The following HPSE2 variants were observed in gnomAD, a reference collection of about 807,000 sequenced individuals.
The protein encoded by HPSE2 is heparanase 2 (inactive).
A neutral mutation model predicts 60.5 loss-of-function variants in HPSE2; 38 were observed. The observed-to-expected ratio is 0.63, with a 90% CI of 0.48 to 0.82. HPSE2 has a LOEUF of 0.82. Ranked by LOEUF, HPSE2 falls within the 40% of genes least tolerant of loss-of-function variation. The pLI is 0.00. For missense variants in HPSE2, 713 were observed against 740.4 expected, an observed-to-expected ratio of 0.96 and a Z score of 0.43; for synonymous variants, 295 against 293.2, an observed-to-expected ratio of 1.01 and a Z score of -0.06.
the HPSE2 span, among the ~76,000 whole-genome samples, chr10:99,283,617 A>T: frequency 6.6e-6 from 1 of 152,160 alleles, no homozygotes. Context: ...AAATTAACTA[A>T]GATAAAAAAA....
At chr10:98,798,298 C>A (rs1097707) in intron 3 of HPSE2, among the ~76,000 whole-genome samples, 17,575 of 152,050 alleles carry the variant, frequency 0.12, 2,564 homozygotes, top group African/African-American at 0.34. Context: ...AATTTCATCA[C>A]CACCACACCT....
At chr10:99,202,989 C>T (rs140590101) in intron 2 of HPSE2, among the ~76,000 whole-genome samples, 51 of 152,250 alleles carry the variant, frequency 3.3e-4, no homozygotes, top group African/African-American at 1.2e-3. Flanking sequence ...CTGGGCCCTC[C>T]TCAGTAAAGT....
At chr10:99,098,199 T>C (rs1004294946) in intron 3 of HPSE2, among the ~76,000 whole-genome samples, 3 of 152,054 alleles carry the variant, frequency 2.0e-5, no homozygotes, top group African/African-American at 4.8e-5. Flanking sequence ...AAAGTAACAA[T>C]ACAACAATAA....
At chr10:98,580,725 T>C (rs926447230) in intron 9 of HPSE2, among the ~76,000 whole-genome samples, 1 of 151,662 alleles carries the variant, frequency 6.6e-6, no homozygotes, top group African/African-American at 2.4e-5. Context: ...GGCTATTCAC[T>C]GGTTTGCCCA....
At chr10:98,611,497 G>A (rs2133968208) in intron 9 of HPSE2, among the ~76,000 whole-genome samples, 1 of 152,286 alleles carries the variant, frequency 6.6e-6, no homozygotes, top group Admixed American at 6.5e-5. Flanking sequence ...AATCCCCTAA[G>A]CGCTTAACAA....
chr10:98,984,057 C>A (rs950497242), intron 3 of HPSE2, among the ~76,000 whole-genome samples: 1 of 152,192 alleles, frequency 6.6e-6, no homozygotes, highest in Non-Finnish European at 1.5e-5. Flanking sequence ...GTAGACTCCA[C>A]CTCTGGGGGC....
At chr10:99,105,550 T>C (rs375529505) in intron 3 of HPSE2, among the ~76,000 whole-genome samples, 1 of 151,906 alleles carries the variant, frequency 6.6e-6, no homozygotes, top group Non-Finnish European at 1.5e-5. Context: ...ATATATAATA[T>C]GCAATTTTTT....
chr10:99,080,393 C>T (rs193232686), intron 3 of HPSE2, among the ~76,000 whole-genome samples: 3 of 152,194 alleles, frequency 2.0e-5, no homozygotes, highest in Admixed American at 1.3e-4. Flanking sequence ...GGGGAAATGG[C>T]TTTGGAGTCA....
intron 3 of HPSE2, among the ~76,000 whole-genome samples, chr10:99,037,397 G>C (rs1957634092): frequency 1.3e-5 from 2 of 151,932 alleles, no homozygotes; most frequent in Non-Finnish European, 2.9e-5. Flanking sequence ...TGGGGAAGCT[G>C]GTGACACATA....
chr10:98,913,387 G>A (rs890490188), intron 3 of HPSE2, among the ~76,000 whole-genome samples: 3 of 152,118 alleles, frequency 2.0e-5, no homozygotes, highest in Non-Finnish European at 4.4e-5. Context: ...TAATAGAACT[G>A]TTGAGATCGA....
intron 3 of HPSE2, among the ~76,000 whole-genome samples, chr10:99,019,394 T>C (rs1957212203): frequency 6.6e-6 from 1 of 152,204 alleles, no homozygotes; most frequent in Admixed American, 6.5e-5. Context: ...TGCAGAATTC[T>C]TTAGTTTCCC....
chr10:99,104,458 TTGG>T (rs1208496546), intron 3 of HPSE2, among the ~76,000 whole-genome samples: 1 of 152,200 alleles, frequency 6.6e-6, no homozygotes, highest in Non-Finnish European at 1.5e-5. Flanking sequence ...TTTTACACTG[TTGG>T]TGGGACTGTA....
intron 9 of HPSE2, among the ~76,000 whole-genome samples, chr10:98,589,680 C>T (rs1945034927): frequency 6.6e-6 from 1 of 152,168 alleles, no homozygotes; most frequent in Non-Finnish European, 1.5e-5. Context: ...AACTTTTAAT[C>T]CACAGTCACA....
At chr10:99,266,498 C>T in the HPSE2 span, among the ~76,000 whole-genome samples, 2 of 152,074 alleles carry the variant, frequency 1.3e-5, no homozygotes, top group Non-Finnish European at 2.9e-5. Context: ...CAAGCCCTAC[C>T]CAAGGAGAGT....
chr10:99,221,965 G>T (rs1173855107), intron 2 of HPSE2, among the ~76,000 whole-genome samples: 1 of 152,100 alleles, frequency 6.6e-6, no homozygotes, highest in Non-Finnish European at 1.5e-5. Flanking sequence ...ATGGAGAGAG[G>T]CTGAAAACAG....
chr10:98,840,742 T>C (rs1276331846), intron 3 of HPSE2, among the ~76,000 whole-genome samples: 1 of 152,096 alleles, frequency 6.6e-6, no homozygotes, highest in Non-Finnish European at 1.5e-5. Context: ...GTTTTAGTCA[T>C]ACCAAGATAC....
At chr10:99,278,032 G>A in the HPSE2 span, among the ~76,000 whole-genome samples, 128,910 of 150,588 alleles carry the variant, frequency 0.86, 55,532 homozygotes, top group African/African-American at 0.92. Context: ...AGGAGGCGGA[G>A]GTTTCAGTGA....
intron 3 of HPSE2, among the ~76,000 whole-genome samples, chr10:98,953,232 G>A (rs769598160): frequency 7.9e-5 from 12 of 152,308 alleles, no homozygotes; most frequent in East Asian, 1.9e-4. Context: ...TAAGATTTCC[G>A]TGAGAGCTGT....
rs563809287 is a variant in HPSE2, at chr10:99,120,283, GA to G, written c.610+23954del. 9.2e-5 allele frequency among the ~76,000 whole-genome samples: 14 copies of G among 152,164 alleles called. 1 individual carries two copies. The South Asian group carries it at 1.0e-3, about 11-fold the overall frequency. ...CCATTAAAAAGTGGGCAAAGGACAT[GA>G]AAAGACACTTTTTGAAAGACATATA... On this transcript the variant is annotated intron_variant, in intron 3 of 11. Coordinates refer to ENST00000370552, the MANE Select transcript of HPSE2 (RefSeq NM_021828.5).
Sources: gnomAD v4.1 joint callset for allele counts (sites outside exome capture counted in the v4.1 genomes callset) on GRCh38, gnomAD v4.1.1 for gene constraint, MANE v1.5 for transcripts, NCBI Gene and HGNC (gene_info 2026-07-23, HGNC 2026-07-21) for gene names.